AQP9: variants seen among roughly 807,000 people sequenced by gnomAD.
The protein encoded by AQP9 is aquaporin 9, also known as aquaporin-9.
In AQP9, 19 loss-of-function variants were observed where a neutral mutation model predicts 23.8. The ratio of observed to expected loss-of-function variants is 0.80; its 90% CI spans 0.56 to 1.17. The LOEUF (loss-of-function observed/expected upper bound fraction) is 1.17. Among genes scored for constraint, AQP9 ranks in the 50% most tolerant of loss-of-function variants. The probability of loss-of-function intolerance (pLI) is 0.00; values close to 1 mark genes in which losing one functional copy is unlikely to be tolerated. For missense variants in AQP9, 413 were observed against 362.0 expected (o/e 1.14, Z -1.14); for synonymous variants, 153 against 131.5 (o/e 1.16, Z -1.12).
intron 1 of AQP9, chr15:58,151,389 T>C (rs112644319): frequency 1.1e-4 from 17 of 152,276 alleles, no homozygotes; most frequent in African/African-American, 4.1e-4. Context: ...AACTCCATAA[T>C]CTGAATTAAC....
Position 58,173,189 on chromosome 15 carries a change from C to T in AQP9, c.360C>T (p.Val120=). ...FLGAFVGAAT[V]FGIYYDGLMS... ...GAGCCTTTGTGGGGGCTGCAACCGT[C>T]TTTGGCATTTACTATGGTGAGTAAA... Residue 120 remains valine, a synonymous_variant, in exon 3 of 6, where the codon GTC becomes GTT. Transcript: ENST00000219919. 3 of 1,614,118 alleles carry T rather than the reference C, an allele frequency of 1.9e-6. No individual in the cohort carries two copies. Among genetic ancestry groups the T allele is most frequent in the Non-Finnish European group, 2.5e-6 (3 of 1,180,012 alleles).
intron 5 of AQP9, among the ~76,000 whole-genome samples, chr15:58,179,567 C>T (rs546610230): frequency 2.1e-4 from 32 of 150,774 alleles, no homozygotes; most frequent in East Asian, 9.7e-4. Flanking sequence ...GAAAGAGAGG[C>T]GGCTCTAGGT....
intron 1 of AQP9, among the ~76,000 whole-genome samples, chr15:58,163,554 G>A (rs2414540): frequency 0.72 from 109,365 of 151,996 alleles, 39,387 homozygotes; most frequent in Admixed American, 0.78. Context: ...AAACGCTACA[G>A]TTGAACTTCA....
chr15:58,140,197 CTTT>C (rs67540225), intron 1 of AQP9, among the ~76,000 whole-genome samples: 14 of 131,606 alleles, frequency 1.1e-4, no homozygotes, highest in African/African-American at 1.4e-4. Context: ...AACTACACAT[CTTT>C]TTTTTTTTTT....
chr15:58,168,805 C>G (rs189506081), intron 2 of AQP9, among the ~76,000 whole-genome samples: 1 of 152,276 alleles, frequency 6.6e-6, no homozygotes, highest in Admixed American at 6.5e-5. Context: ...CCTAAATATC[C>G]CGAGGCTTAA....
At chr15:58,172,329 T>C (rs534204654) in intron 2 of AQP9, among the ~76,000 whole-genome samples, 1 of 152,354 alleles carries the variant, frequency 6.6e-6, no homozygotes, top group African/African-American at 2.4e-5. Flanking sequence ...AATGCTGCTG[T>C]TGTTGTTACT....
At chr15:58,139,350 C>T (rs1435546807) in intron 1 of AQP9, among the ~76,000 whole-genome samples, 1 of 152,284 alleles carries the variant, frequency 6.6e-6, no homozygotes, top group Non-Finnish European at 1.5e-5. Context: ...CTAAGAACCT[C>T]TTGAGGATTG....
At chr15:58,183,353 T>C (rs1375640258) in intron 5 of AQP9, among the ~76,000 whole-genome samples, 2 of 152,208 alleles carry the variant, frequency 1.3e-5, no homozygotes, top group African/African-American at 2.4e-5. Context: ...TTTGCTGTAA[T>C]GTACTAACAT....
intron 1 of AQP9, among the ~76,000 whole-genome samples, chr15:58,144,603 CT>C (rs1238899946): frequency 2.0e-5 from 3 of 152,066 alleles, no homozygotes; most frequent in Admixed American, 2.0e-4. Flanking sequence ...AAAATTTTCC[CT>C]TTTTTTCTAT....
At chr15:58,172,402 G>A (rs1898643968) in intron 2 of AQP9, among the ~76,000 whole-genome samples, 1 of 152,194 alleles carries the variant, frequency 6.6e-6, no homozygotes, top group African/African-American at 2.4e-5. Context: ...TGATTTTATG[G>A]CTGGATGCAA....
chr15:58,157,519 G>A (rs1176841749), intron 1 of AQP9, among the ~76,000 whole-genome samples: 1 of 152,184 alleles, frequency 6.6e-6, no homozygotes, highest in Non-Finnish European at 1.5e-5. Context: ...GCTGACCAGT[G>A]CCACAGAAAC....
At chr15:58,150,027 A>G (rs1221898504) in intron 1 of AQP9, among the ~76,000 whole-genome samples, 2 of 152,252 alleles carry the variant, frequency 1.3e-5, no homozygotes, top group Non-Finnish European at 2.9e-5. Context: ...CACTGGCACC[A>G]AAAGCTTAAT....
chr15:58,155,334 A>G (rs1253966682), intron 1 of AQP9: 1 of 152,170 alleles, frequency 6.6e-6, no homozygotes, highest in Non-Finnish European at 1.5e-5. Flanking sequence ...CGACCATAGC[A>G]ATAGCATTTA....
chr15:58,171,646 T>G (rs1282407605), intron 2 of AQP9, among the ~76,000 whole-genome samples: 1 of 152,354 alleles, frequency 6.6e-6, no homozygotes, highest in South Asian at 2.1e-4. Flanking sequence ...CACTGGCATT[T>G]TCTTGCTCAT....
intron 1 of AQP9, among the ~76,000 whole-genome samples, chr15:58,157,621 T>C (rs1469495304): frequency 1.3e-5 from 2 of 152,036 alleles, no homozygotes; most frequent in African/African-American, 4.8e-5. Flanking sequence ...TAATCAGCGT[T>C]AGCGGGGAGT....
intron 1 of AQP9, among the ~76,000 whole-genome samples, chr15:58,144,031 G>C (rs925606773): frequency 8.5e-5 from 13 of 152,174 alleles, no homozygotes; most frequent in Admixed American, 5.9e-4. Flanking sequence ...ATTTGAGAGA[G>C]AGAAAAATGG....
chr15:58,166,554 A>G, intron 1 of AQP9, 119 bp from the exon 2 acceptor site: 2 of 1,346,858 alleles, frequency 1.5e-6, no homozygotes, highest in Non-Finnish European at 2.0e-6. Context: ...TTTGATTTGT[A>G]TAAAACCCAA....
At position 58,149,975 on chromosome 15, in the gene AQP9, C is replaced by A. The variant is rs529169787; in HGVS notation, c.111+11299C>A. On this transcript the variant is annotated intron_variant, in intron 1 of 5. Transcript: ENST00000219919. Reference sequence around the variant, plus strand: ...TCCAGGAGCTAGGACTGCATCCCAGCCCAGGTGTGTTATCACCATGGTATC... The same window carrying A: ...TCCAGGAGCTAGGACTGCATCCCAGACCAGGTGTGTTATCACCATGGTATC... Among the ~76,000 whole-genome samples the A allele has an allele frequency of 2.0e-5, 3 of 152,342 alleles. No individual in the cohort carries two copies. In the East Asian group the frequency reaches 5.8e-4, roughly 29 times the overall value.
At chr15:58,167,527 C>G (rs893079722) in intron 2 of AQP9, among the ~76,000 whole-genome samples, 1 of 152,136 alleles carries the variant, frequency 6.6e-6, no homozygotes, top group Non-Finnish European at 1.5e-5. Context: ...CTGCCTTTAT[C>G]TCCCTCTCCT....
Sources: gnomAD v4.1 joint callset for allele counts (sites outside exome capture counted in the v4.1 genomes callset) on GRCh38, gnomAD v4.1.1 for gene constraint, MANE v1.5 for transcripts, NCBI Gene and HGNC (gene_info 2026-07-23, HGNC 2026-07-21) for gene names.